The following AHI1 variants were observed in gnomAD, a reference collection of about 807,000 sequenced individuals.
AHI1 encodes jouberin.
AHI1 carries 123 observed loss-of-function variants against 149.3 expected under a neutral mutation model. That is an observed-to-expected ratio of 0.82 (90% CI 0.71 to 0.96). The LOEUF is 0.96. AHI1 is among the 40% of genes least tolerant of loss of function. The pLI is 0.00. For synonymous variants in AHI1, 475 were observed against 459.8 expected (o/e 1.03, Z -0.42); for missense variants, 1,439 against 1,422.7 (o/e 1.01, Z -0.18).
intron 24 of AHI1, among the ~76,000 whole-genome samples, chr6:135,345,645 T>C (rs1791080628): frequency 6.6e-6 from 1 of 152,062 alleles, no homozygotes; most frequent in African/African-American, 2.4e-5. Context: ...GATTAGTAGT[T>C]GTTAGGGGTG....
intron 8 of AHI1, among the ~76,000 whole-genome samples, chr6:135,460,815 C>T (rs1388180846): frequency 6.6e-6 from 1 of 152,104 alleles, no homozygotes; most frequent in Non-Finnish European, 1.5e-5. Context: ...CACTGCAACA[C>T]AGAGGGAAAA....
intron 8 of AHI1, among the ~76,000 whole-genome samples, chr6:135,459,932 C>T (rs1249755514): frequency 6.6e-6 from 1 of 152,104 alleles, no homozygotes; most frequent in Non-Finnish European, 1.5e-5. Flanking sequence ...TAGCTCACAT[C>T]TGTAATCCCA....
At chr6:135,319,183 C>G (rs150318127) in intron 25 of AHI1, among the ~76,000 whole-genome samples, 1 of 152,136 alleles carries the variant, frequency 6.6e-6, no homozygotes, top group South Asian at 2.1e-4. Flanking sequence ...GTCAGAGGTA[C>G]GCAGAAAAAC....
At chr6:135,376,029 A>G (rs1369850144) in intron 23 of AHI1, among the ~76,000 whole-genome samples, 11 of 152,040 alleles carry the variant, frequency 7.2e-5, no homozygotes, top group Non-Finnish European at 1.6e-4. Flanking sequence ...AAAATGTTAG[A>G]AAAGTAGTAC....
intron 24 of AHI1, among the ~76,000 whole-genome samples, chr6:135,339,838 A>T (rs1406436563): frequency 4.6e-5 from 7 of 152,222 alleles, no homozygotes; most frequent in Non-Finnish European, 8.8e-5. Context: ...AGAATAGATT[A>T]AAAAAGATCC....
At chr6:135,486,167 G>T (rs1203671198) in intron 5 of AHI1, among the ~76,000 whole-genome samples, 1 of 152,158 alleles carries the variant, frequency 6.6e-6, no homozygotes, top group Non-Finnish European at 1.5e-5. Context: ...TTATTAAACA[G>T]TTACGATGAA....
intron 5 of AHI1, among the ~76,000 whole-genome samples, chr6:135,486,736 G>A (rs1794532995): frequency 1.3e-5 from 2 of 151,886 alleles, no homozygotes; most frequent in Non-Finnish European, 2.9e-5. Context: ...TGTGAATCTT[G>A]CAAGTAAAAT....
chr6:135,305,344 T>C (rs1784420123), intron 26 of AHI1, among the ~76,000 whole-genome samples: 1 of 152,192 alleles, frequency 6.6e-6, no homozygotes, highest in Admixed American at 6.5e-5. Context: ...AATATAGCAA[T>C]TTTTCTGGAA....
chr6:135,428,722 G>A lies in AHI1; in HGVS notation c.2530C>T (p.Arg844Trp), dbSNP rs773787232. 20 of 1,605,912 alleles carry A rather than the reference G, an allele frequency of 1.2e-5. No homozygotes were observed. The highest frequency in any genetic ancestry group is 1.7e-5 in the Non-Finnish European group (20 of 1,175,482). ...GTCAAAGTACTATGAATCTTCTCCC[G>A]ATAATTTGCTGCTCCTACAAACTTC... The part of the protein sequence containing the change: ...ARKFVGAANY[R>W]EKIHSTLTPC... The change falls in exon 19 of 29, where the codon CGG (arginine) becomes TGG (tryptophan). Residue 844 changes from arginine to tryptophan, a missense_variant. Physicochemically the swap from Arg to Trp is moderately radical, Grantham distance 101. Transcript: ENST00000265602.
chr6:135,314,500 T>C (rs1304243286), intron 26 of AHI1, among the ~76,000 whole-genome samples: 1 of 152,252 alleles, frequency 6.6e-6, no homozygotes, highest in African/African-American at 2.4e-5. Flanking sequence ...TTAAATCTGC[T>C]GCTGAATTAC....
chr6:135,414,601 G>T (rs192052827), intron 20 of AHI1, among the ~76,000 whole-genome samples: 1 of 151,662 alleles, frequency 6.6e-6, no homozygotes, highest in Non-Finnish European at 1.5e-5. Context: ...AAAACAAATA[G>T]GACAATTTAA....
intron 26 of AHI1, among the ~76,000 whole-genome samples, chr6:135,316,416 C>A (rs1263615580): frequency 2.0e-5 from 3 of 152,004 alleles, no homozygotes; most frequent in African/African-American, 7.3e-5. Flanking sequence ...TCCACCTTTA[C>A]TCTGCTCTTT....
intron 11 of AHI1, 149 bp from the exon 12 acceptor site, chr6:135,448,624 T>C: frequency 1.6e-6 from 1 of 617,694 alleles, no homozygotes; most frequent in Non-Finnish European, 2.5e-6. Context: ...ATTAAATAGT[T>C]AGTTAAGCAC....
intron 24 of AHI1, among the ~76,000 whole-genome samples, chr6:135,337,076 G>A (rs1297191859): frequency 6.6e-6 from 1 of 151,924 alleles, no homozygotes; most frequent in Non-Finnish European, 1.5e-5. Context: ...TTAATCACTA[G>A]ACTTACATTA....
chr6:135,341,580 A>G (rs1790376403), intron 24 of AHI1, among the ~76,000 whole-genome samples: 1 of 151,990 alleles, frequency 6.6e-6, no homozygotes, highest in Non-Finnish European at 1.5e-5. Flanking sequence ...AGGCCCCCAA[A>G]TAAAACTTAT....
chr6:135,345,683 A>C (rs1308177842), intron 24 of AHI1, among the ~76,000 whole-genome samples: 1 of 152,160 alleles, frequency 6.6e-6, no homozygotes, highest in East Asian at 1.9e-4. Flanking sequence ...ATTGCTAATG[A>C]GTACGGGATT....
intron 21 of AHI1, among the ~76,000 whole-genome samples, chr6:135,409,639 T>C (rs1373697937): frequency 6.6e-6 from 1 of 152,202 alleles, no homozygotes; most frequent in South Asian, 2.1e-4. Flanking sequence ...CATTATTACT[T>C]TGGCTCTCAT....
intron 26 of AHI1, among the ~76,000 whole-genome samples, chr6:135,314,564 A>G (rs1785664104): frequency 6.6e-6 from 1 of 152,226 alleles, no homozygotes; most frequent in South Asian, 2.1e-4. Context: ...AATTCCTGCC[A>G]ATCCTCTTGA....
At chr6:135,387,383 C>T (rs183817545) in intron 23 of AHI1, among the ~76,000 whole-genome samples, 15 of 152,252 alleles carry the variant, frequency 9.9e-5, no homozygotes, top group Non-Finnish European at 1.5e-5. Context: ...GTCCCCCAAC[C>T]GAACCCATGC....
Sources: gnomAD v4.1 joint callset for allele counts (sites outside exome capture counted in the v4.1 genomes callset) on GRCh38, gnomAD v4.1.1 for gene constraint, MANE v1.5 for transcripts, NCBI Gene and HGNC (gene_info 2026-07-23, HGNC 2026-07-21) for gene names.